The following UBR2 variants were observed in gnomAD, a reference collection of about 807,000 sequenced individuals.
UBR2 encodes the protein ubiquitin protein ligase E3 component n-recognin 2.
In UBR2, 92 loss-of-function variants were observed where a neutral mutation model predicts 247.9. The observed-to-expected ratio is 0.37, with a 90% CI of 0.31 to 0.44. UBR2 has a LOEUF of 0.44. Ranked by LOEUF, UBR2 falls within the 20% of genes least tolerant of loss-of-function variation. UBR2 has a pLI of 1.00. For missense variants in UBR2, 1,613 were observed against 2,112.6 expected (o/e 0.76, Z 4.64); for synonymous variants, 672 against 693.5 (o/e 0.97, Z 0.49).
At chr6:42,603,092 A>G (rs990248709) in intron 4 of UBR2, among the ~76,000 whole-genome samples, 16 of 152,194 alleles carry the variant, frequency 1.1e-4, no homozygotes, top group Non-Finnish European at 1.9e-4. Flanking sequence ...GAAAGTAGAC[A>G]AGAGAGTGCT....
rs768129793 is a variant in UBR2, at chr6:42,683,038, CT to C, written c.4719-16del. ...TTAAAAGTGTTTTGTGTTTTTCCCC[CT>C]CTGTTTACATTAAAGTTGGTGCCGT... is the stretch of plus-strand genomic sequence containing the variant. On this transcript the variant is annotated splice_polypyrimidine_tract_variant and intron_variant, in intron 42 of 46. Transcript: ENST00000372901. 1.8e-5 allele frequency: 29 copies of C among 1,609,752 alleles called. No individual in the cohort carries two copies. In the African/African-American group the frequency reaches 2.1e-4, roughly 12 times the overall value.
intron 8 of UBR2, among the ~76,000 whole-genome samples, chr6:42,614,392 GTACATACA>G (rs1198307513): frequency 7.9e-6 from 1 of 126,676 alleles, no homozygotes; most frequent in African/African-American, 3.0e-5. Flanking sequence ...ATGTATGTAC[GTACATACA>G]TACGTATGTA....
chr6:42,644,273 A>G lies in UBR2; in HGVS notation c.2157A>G (p.Glu719=). The change falls in exon 19 of 47, where the codon GAA becomes GAG. Residue 719 remains glutamate, a synonymous_variant. Transcript: ENST00000372901. ...TGATGATCATGCTCAGCCGCTTTGA[A>G]CTTTATCAGATTTTCAGTACTCCAG... is the stretch of plus-strand genomic sequence containing the variant. ...HFLMIMLSRF[E]LYQIFSTPDY... is the part of the protein sequence containing the mutation. 6.2e-7 allele frequency: 1 copy of G among 1,613,630 alleles called. No homozygotes were observed. The highest frequency in any genetic ancestry group is 1.1e-5 in the South Asian group (1 of 91,068).
At chr6:42,566,151 C>T (rs889827191) in intron 1 of UBR2, among the ~76,000 whole-genome samples, 7 of 151,892 alleles carry the variant, frequency 4.6e-5, no homozygotes, top group African/African-American at 1.7e-4. Context: ...ATTCCGTTAT[C>T]CCATTCTAAA....
intron 42 of UBR2, 42 bp from the exon 43 acceptor site, chr6:42,683,013 T>G: frequency 6.6e-7 from 1 of 1,526,424 alleles, no homozygotes; most frequent in South Asian, 1.2e-5. Context: ...TTCTAACCCT[T>G]TAAAAGTGTT....
At chr6:42,607,732 T>TTG in intron 7 of UBR2, among the ~76,000 whole-genome samples, 1 of 149,680 alleles carries the variant, frequency 6.7e-6, no homozygotes. Context: ...TTTTTTTTTT[T>TTG]TTAGTAGAGA....
chr6:42,646,819 A>G (rs529243445), intron 21 of UBR2, among the ~76,000 whole-genome samples: 71 of 148,660 alleles, frequency 4.8e-4, no homozygotes, highest in Admixed American at 1.3e-3. Flanking sequence ...ATATATATAT[A>G]TAGAGAGAGA....
intron 16 of UBR2, among the ~76,000 whole-genome samples, chr6:42,640,624 C>A (rs1333411756): frequency 6.6e-6 from 1 of 152,128 alleles, no homozygotes; most frequent in Non-Finnish European, 1.5e-5. Context: ...GGCAGAATTC[C>A]TTCTTCCATG....
intron 2 of UBR2, among the ~76,000 whole-genome samples, chr6:42,584,140 G>A (rs1792098639): frequency 6.6e-6 from 1 of 151,820 alleles, no homozygotes; most frequent in South Asian, 2.1e-4. Flanking sequence ...TGGGTTATGG[G>A]CATGCACCAC....
intron 44 of UBR2, among the ~76,000 whole-genome samples, chr6:42,687,060 G>T (rs980642076): frequency 2.0e-5 from 3 of 152,072 alleles, no homozygotes; most frequent in African/African-American, 7.2e-5. Flanking sequence ...GGGCAGAGAC[G>T]CTCGTCACTT....
chr6:42,689,714 C>T lies in UBR2; in HGVS notation c.5126+44C>T, dbSNP rs1232911213. 3.8e-6 allele frequency: 6 copies of T among 1,559,426 alleles called. No homozygotes were observed. Among genetic ancestry groups the T allele is most frequent in the South Asian group, 2.2e-5 (2 of 89,902 alleles). On this transcript the variant is annotated intron_variant, in intron 46 of 46. Coordinates refer to ENST00000372901, the MANE Select transcript of UBR2 (RefSeq NM_001363705.2). The surrounding 1 kb of genome is among the most constrained non-coding windows in gnomAD (Gnocchi z 4.0). ...TTAGCTAACTCAGGGCCTGCAGCGC[C>T]CTTCCGTATGTGGTGACGTCCTGAG...
intron 8 of UBR2, among the ~76,000 whole-genome samples, chr6:42,614,263 C>T (rs1230693094): frequency 7.2e-6 from 1 of 139,840 alleles, no homozygotes; most frequent in South Asian, 2.2e-4. Flanking sequence ...CATATATATA[C>T]ACACACACGT....
intron 2 of UBR2, among the ~76,000 whole-genome samples, chr6:42,578,423 A>T (rs1791658009): frequency 6.6e-6 from 1 of 152,128 alleles, no homozygotes; most frequent in African/African-American, 2.4e-5. Context: ...ATAGGTCGGG[A>T]AAGTGTAATT....
In UBR2 at chr6:42,573,929, GCAAA is replaced by G. The variant is rs1791332570; in HGVS notation, c.280_283del (p.Lys94LeufsTer11). ...ATTTGGATTTCCAAAACTTGAGCAAGCAAACAAACCTTCTCATCTTTGTGGTCGT... is the reference window on the plus strand; with the variant it reads ...ATTTGGATTTCCAAAACTTGAGCAAGCAAACCTTCTCATCTTTGTGGTCGT... On this transcript the variant is annotated frameshift_variant, in exon 2 of 47. Transcript: ENST00000372901. LOFTEE classifies it high-confidence loss of function. The G allele has an allele frequency of 6.2e-7, 1 of 1,613,570 alleles. No individual in the cohort carries two copies. The highest frequency in any genetic ancestry group is 8.5e-7 in the Non-Finnish European group (1 of 1,179,854).
intron 1 of UBR2, among the ~76,000 whole-genome samples, chr6:42,566,739 T>A (rs1790803261): frequency 6.6e-6 from 1 of 152,008 alleles, no homozygotes; most frequent in Non-Finnish European, 1.5e-5. Flanking sequence ...TTTTTTTTCT[T>A]TTTTTGGTAA....
intron 9 of UBR2, 142 bp from the exon 10 acceptor site, chr6:42,615,860 C>T: frequency 1.9e-6 from 1 of 537,762 alleles, no homozygotes; most frequent in Non-Finnish European, 3.1e-6. Context: ...GGAGTTAAGA[C>T]CAGCCTGGGC....
rs930790339 is a variant in UBR2 at position 42,670,258 on chromosome 6, G to A, written c.4030+18G>A. 1 of 1,608,766 alleles carries A rather than the reference G, an allele frequency of 6.2e-7. No homozygotes were observed. The highest frequency in any genetic ancestry group is 2.2e-5 in the East Asian group (1 of 44,724). On this transcript the variant is annotated intron_variant, in intron 35 of 46. Transcript: ENST00000372901. ...AAGCATAGGTAAGAGATTTACAGCT[G>A]TTTCTCTATAAGTCACAAGCATTCA...
chr6:42,663,206 C>T, intron 31 of UBR2, 52 bp from the exon 32 acceptor site: 1 of 1,406,490 alleles, frequency 7.1e-7, no homozygotes, highest in Non-Finnish European at 9.4e-7. Flanking sequence ...TTATGGCTGT[C>T]ATTTATGTAA....
At chr6:42,613,179 T>A (rs964449406) in intron 8 of UBR2, among the ~76,000 whole-genome samples, 5 of 152,066 alleles carry the variant, frequency 3.3e-5, no homozygotes, top group Admixed American at 6.6e-5. Context: ...AATCCTCACA[T>A]CTGCAACCAA....
Sources: allele counts gnomAD v4.1 joint callset (sites outside exome capture counted in the v4.1 genomes callset), GRCh38; gene constraint gnomAD v4.1.1; non-coding constraint Gnocchi (gnomAD v3.1); transcripts MANE v1.5; gene names NCBI Gene and HGNC (gene_info 2026-07-23, HGNC 2026-07-21).